H1-2: variants seen among roughly 807,000 people sequenced by gnomAD.
The protein encoded by H1-2 is histone H1.2.
A neutral mutation model predicts 7.2 loss-of-function variants in H1-2; 7 were observed. The observed-to-expected ratio is 0.97, with a 90% CI of 0.55 to 1.82. The LOEUF (loss-of-function observed/expected upper bound fraction) is 1.82. Among genes scored for constraint, H1-2 ranks in the 40% most tolerant of loss-of-function variants. The probability of loss-of-function intolerance (pLI) is 0.00; values close to 1 mark genes in which losing one functional copy is unlikely to be tolerated. For missense variants in H1-2, 703 were observed against 276.6 expected, an observed-to-expected ratio of 2.54 and a Z score of -10.94; for synonymous variants, 300 against 118.2, an observed-to-expected ratio of 2.54 and a Z score of -9.98.
At position 26,056,086 on chromosome 6, in the gene H1-2, C is replaced by T. The variant is rs1355795147; in HGVS notation, c.343G>A (p.Glu115Lys). 3 of 1,614,080 alleles carry T rather than the reference C, an allele frequency of 1.9e-6. No homozygotes were observed. Among genetic ancestry groups the T allele is most frequent in the Non-Finnish European group, 1.7e-6 (2 of 1,180,052 alleles). The stretch of plus-strand genomic sequence containing the variant: ...GCCTTTTTAACCTTGGGCTTGGCTT[C>T]CCCGGAGGCTGCCTTCTTGTTGAGT... ...FKLNKKAASG[E>K]AKPKVKKAGG... Residue 115 changes from glutamate (E) to lysine (K), a missense_variant, in exon 1 of 1, where the codon GAA becomes AAA. Physicochemically the swap from Glu to Lys is moderately conservative, Grantham distance 56. Coordinates refer to ENST00000343677, the MANE Select transcript of H1-2 (RefSeq NM_005319.4).
Position 26,055,930 on chromosome 6 carries a change from T to G in H1-2, c.499A>C (p.Thr167Pro). ...TTTGGGCTCTTAGCCACTTTCTTGGTTACAGTGGCCGCGGCCGGCTTCTTC... is the reference window on the plus strand; with the variant it reads ...TTTGGGCTCTTAGCCACTTTCTTGGGTACAGTGGCCGCGGCCGGCTTCTTC... ...KAKKPAAATVTKKVAKSPKKA... is the reference protein window; with the variant it reads ...KAKKPAAATVPKKVAKSPKKA... Residue 167 changes from threonine (T) to proline (P), a missense_variant, in exon 1 of 1, where the codon ACC becomes CCC. By Grantham distance (38) the Thr-to-Pro change is conservative. Coordinates refer to ENST00000343677, the MANE Select transcript of H1-2 (RefSeq NM_005319.4). The G allele has an allele frequency of 6.2e-7, 1 of 1,614,150 alleles. No homozygotes were observed. Among genetic ancestry groups the G allele is most frequent in the East Asian group, 2.2e-5 (1 of 44,876 alleles).
In H1-2 at chr6:26,056,060, C is replaced by T. The variant is rs139785289; in HGVS notation, c.369G>A (p.Ala123=). The change falls in exon 1 of 1, where the codon GCG becomes GCA. Residue 123 remains alanine, a synonymous_variant. Transcript: ENST00000343677. The part of the protein sequence containing the change: ...SGEAKPKVKK[A]GGTKPKKPVG... ...CTGGCTTCTTAGGTTTGGTTCCGCC[C>T]GCCTTTTTAACCTTGGGCTTGGCTT... 1 of 1,614,130 alleles carries T rather than the reference C, an allele frequency of 6.2e-7. No homozygotes were observed. Among genetic ancestry groups the T allele is most frequent in the South Asian group, 1.1e-5 (1 of 91,082 alleles).
rs755709568 is a variant in H1-2, at chr6:26,055,799, G to C, written c.630C>G (p.Pro210=). Residue 210 remains proline, a synonymous_variant, in exon 1 of 1, where the codon CCC becomes CCG. Transcript: ENST00000343677. ...PKVVKPKKAA[P]KKK is the part of the protein sequence containing the mutation. The stretch of plus-strand genomic sequence containing the variant: ...AGTAGGCGTTCGCCTATTTCTTCTT[G>C]GGCGCCGCCTTCTTAGGCTTGACAA... 5.0e-6 allele frequency: 8 copies of C among 1,592,994 alleles called. No individual in the cohort carries two copies. Among genetic ancestry groups the C allele is most frequent in the Non-Finnish European group, 6.8e-6 (8 of 1,174,506 alleles).
At position 26,056,348 on chromosome 6, in the gene H1-2, C is replaced by G. The variant is rs151213047; in HGVS notation, c.81G>C (p.Lys27Asn). The G allele has an allele frequency of 7.4e-6, 12 of 1,613,526 alleles. No homozygotes were observed. Among genetic ancestry groups the G allele is most frequent in the African/African-American group, 2.7e-5 (2 of 74,832 alleles). Reference sequence around the variant, plus strand: ...ACGCCTTACGAGGCGTACCCCCAGCCTTTTTGGCCGCCTTCTTCTTTACAG... The same window carrying G: ...ACGCCTTACGAGGCGTACCCCCAGCGTTTTTGGCCGCCTTCTTCTTTACAG... ...KAPVKKKAAK[K>N]AGGTPRKASG... The change falls in exon 1 of 1, where the codon AAG becomes AAC. Residue 27 changes from lysine (K) to asparagine (N), a missense_variant. By Grantham distance (94) the Lys-to-Asn change is moderately conservative (BLOSUM62 0). Coordinates refer to ENST00000343677, the MANE Select transcript of H1-2 (RefSeq NM_005319.4).
rs772984161 is a variant in H1-2, at chr6:26,056,451, A to T, written c.-23T>A. On this transcript the variant is annotated 5_prime_UTR_variant, in exon 1 of 1. Transcript: ENST00000343677. ...CATGTTGAGAATCAAAAACTCGGGT[A>T]CAAGTGGCAAAGCGCCGATGAAGCA... The T allele has an allele frequency of 6.5e-7, 1 of 1,547,124 alleles. No individual in the cohort carries two copies. The highest frequency in any genetic ancestry group is 8.7e-7 in the Non-Finnish European group (1 of 1,151,938).
rs138308559 is a variant in H1-2 at position 26,056,236 on chromosome 6, C to G, written c.193G>C (p.Ala65Pro). 1 of 1,614,214 alleles carries G rather than the reference C, an allele frequency of 6.2e-7. No homozygotes were observed. Among genetic ancestry groups the G allele is most frequent in the Non-Finnish European group, 8.5e-7 (1 of 1,180,028 alleles). The stretch of plus-strand genomic sequence containing the variant: ...ACATCATAGCCGGCGGCAGCCAACG[C>G]TTTTTTCAGAGCAGCCAGAGAAACT... ...SGVSLAALKK[A>P]LAAAGYDVEK... The change falls in exon 1 of 1, where the codon GCG (alanine) becomes CCG (proline). Residue 65 changes from alanine (A) to proline (P), a missense_variant. Ala to Pro is a conservative substitution (Grantham distance 27, BLOSUM62 -1). Coordinates refer to ENST00000343677, the MANE Select transcript of H1-2 (RefSeq NM_005319.4).
In H1-2 at chr6:26,055,807, CCTT is replaced by C; in HGVS notation, c.619_621del (p.Lys207del). On this transcript the variant is annotated inframe_deletion, in exon 1 of 1. Transcript: ENST00000343677. ...TTCGCCTATTTCTTCTTGGGCGCCG[CCTT>C]CTTAGGCTTGACAACCTTGGGCTTA... The C allele has an allele frequency of 6.3e-7, 1 of 1,593,232 alleles. No homozygotes were observed. Among genetic ancestry groups the C allele is most frequent in the Non-Finnish European group, 8.5e-7 (1 of 1,174,566 alleles).
chr6:26,055,787 C>CTATT lies in H1-2; in HGVS notation c.638_641dup (p.Ter214=). ...TTGGGTTTTAGAAGTAGGCGTTCGCCTATTTCTTCTTGGGCGCCGCCTTCT... is the reference window on the plus strand; with the variant it reads ...TTGGGTTTTAGAAGTAGGCGTTCGCCTATTTATTTCTTCTTGGGCGCCGCCTTCT... On this transcript the variant is annotated frameshift_variant and stop_retained_variant, in exon 1 of 1. Coordinates refer to ENST00000343677, the MANE Select transcript of H1-2 (RefSeq NM_005319.4). LOFTEE classifies it high-confidence loss of function. 6.3e-7 allele frequency: 1 copy of CTATT among 1,590,274 alleles called. No individual in the cohort carries two copies. The highest frequency in any genetic ancestry group is 8.5e-7 in the Non-Finnish European group (1 of 1,173,802).
rs1262204621 is a variant in H1-2, at chr6:26,056,193, C to T, written c.236G>A (p.Arg79His). The stretch of plus-strand genomic sequence containing the variant: ...CAGGCTCTTGAGACCAAGTTTGATA[C>T]GGCTGTTGTTTTTCTCCACATCATA... ...AGYDVEKNNS[R>H]IKLGLKSLVS... is the part of the protein sequence containing the mutation. Residue 79 changes from arginine (R) to histidine (H), a missense_variant, in exon 1 of 1, where the codon CGT becomes CAT. By Grantham distance (29) the Arg-to-His change is conservative (BLOSUM62 0). Transcript: ENST00000343677. The T allele has an allele frequency of 3.1e-6, 5 of 1,614,112 alleles. No individual in the cohort carries two copies. The highest frequency in any genetic ancestry group is 4.2e-6 in the Non-Finnish European group (5 of 1,180,046).
Position 26,055,823 on chromosome 6 carries a change from A to T in H1-2, c.606T>A (p.Val202=), listed in dbSNP as rs1262709344. The change falls in exon 1 of 1, where the codon GTT becomes GTA. Residue 202 remains valine (V), a synonymous_variant. Coordinates refer to ENST00000343677, the MANE Select transcript of H1-2 (RefSeq NM_005319.4). ...AVKPKAAKPK[V]VKPKKAAPKK... Reference sequence around the variant, plus strand: ...TGGGCGCCGCCTTCTTAGGCTTGACAACCTTGGGCTTAGCGGCCTTGGGCT... The same window carrying T: ...TGGGCGCCGCCTTCTTAGGCTTGACTACCTTGGGCTTAGCGGCCTTGGGCT... 1 of 1,604,376 alleles carries T rather than the reference A, an allele frequency of 6.2e-7. No homozygotes were observed. Among genetic ancestry groups the T allele is most frequent in the Non-Finnish European group, 8.5e-7 (1 of 1,177,378 alleles).
Position 26,056,296 on chromosome 6 carries a change from T to A in H1-2, c.133A>T (p.Thr45Ser). The change falls in exon 1 of 1, where the codon ACC (threonine) becomes TCC (serine). Residue 45 changes from threonine (T) to serine (S), a missense_variant. Physicochemically the swap from Thr to Ser is moderately conservative, Grantham distance 58 (BLOSUM62 1). Transcript: ENST00000343677. Reference sequence around the variant, plus strand: ...TCTTTAGAGGCGGCCACAGCCTTGGTGATGAGCTCTGACACCGGGGGACCA... The same window carrying A: ...TCTTTAGAGGCGGCCACAGCCTTGGAGATGAGCTCTGACACCGGGGGACCA... ...ASGPPVSELI[T>S]KAVAASKERS... 1 of 1,614,128 alleles carries A rather than the reference T, an allele frequency of 6.2e-7. No individual in the cohort carries two copies. The highest frequency in any genetic ancestry group is 2.2e-5 in the East Asian group (1 of 44,872).
In H1-2 at chr6:26,055,741, G is replaced by A. The variant is rs562506552; in HGVS notation, c.*46C>T. The A allele has an allele frequency of 1.2e-5, 17 of 1,471,710 alleles. No homozygotes were observed. Among genetic ancestry groups the A allele is most frequent in the Admixed American group, 6.5e-5 (3 of 46,022 alleles). The allele number at this position is 1,471,710 out of a possible 1,614,324, so 91.2% of individuals were successfully genotyped here. On this transcript the variant is annotated 3_prime_UTR_variant, in exon 1 of 1. Coordinates refer to ENST00000343677, the MANE Select transcript of H1-2 (RefSeq NM_005319.4). ...ATCCAGCTCTTTTATTGAGATCAGT[G>A]GTGGCTCTGAAAAGAGCCTTTTGGG...
In H1-2 at chr6:26,056,053, T is replaced by C. The variant is rs79208414; in HGVS notation, c.376A>G (p.Thr126Ala). The change falls in exon 1 of 1, where the codon ACC becomes GCC. Residue 126 changes from threonine (T) to alanine (A), a missense_variant. By Grantham distance (58) the Thr-to-Ala change is moderately conservative. Coordinates refer to ENST00000343677, the MANE Select transcript of H1-2 (RefSeq NM_005319.4). ...AKPKVKKAGG[T>A]KPKKPVGAAK... is the part of the protein sequence containing the mutation. Reference sequence around the variant, plus strand: ...GCCCCAACTGGCTTCTTAGGTTTGGTTCCGCCCGCCTTTTTAACCTTGGGC... The same window carrying C: ...GCCCCAACTGGCTTCTTAGGTTTGGCTCCGCCCGCCTTTTTAACCTTGGGC... 3.0e-4 allele frequency: 488 copies of C among 1,614,140 alleles called. 5 individuals carry two copies. The East Asian group carries it at 0.011, about 36-fold the overall frequency.
At position 26,056,150 on chromosome 6, in the gene H1-2, CAG is replaced by C; in HGVS notation, c.277_278del (p.Leu93GlyfsTer13). On this transcript the variant is annotated frameshift_variant, in exon 1 of 1. Coordinates refer to ENST00000343677, the MANE Select transcript of H1-2 (RefSeq NM_005319.4). LOFTEE classifies it high-confidence loss of function. Reference protein sequence around the residue: ...GLKSLVSKGTLVQTKGTGASG... With the variant: ...GLKSLVSKGTXVQTKGTGASG... ...AAGCACCGGTGCCTTTCGTTTGCAC[CAG>C]AGTGCCCTTGCTCACCAGGCTCTTG... is the stretch of plus-strand genomic sequence containing the variant. The C allele has an allele frequency of 6.2e-7, 1 of 1,614,236 alleles. No individual in the cohort carries two copies. Among genetic ancestry groups the C allele is most frequent in the Non-Finnish European group, 8.5e-7 (1 of 1,180,042 alleles).
rs756916945 is a variant in H1-2, at chr6:26,055,824, ACCTTGGGCTTAGCGG to A, written c.590_604del (p.Ala197_Lys201del). On this transcript the variant is annotated inframe_deletion, in exon 1 of 1. Coordinates refer to ENST00000343677, the MANE Select transcript of H1-2 (RefSeq NM_005319.4). ...GGGCGCCGCCTTCTTAGGCTTGACA[ACCTTGGGCTTAGCGG>A]CCTTGGGCTTCACAGCCTTAGCAGC... 53 of 1,611,274 alleles carry A rather than the reference ACCTTGGGCTTAGCGG, an allele frequency of 3.3e-5. No individual in the cohort carries two copies. The highest frequency in any genetic ancestry group is 1.7e-4 in the Middle Eastern group (1 of 6,016).
rs773564861 is a variant in H1-2 at position 26,055,889 on chromosome 6, C to T, written c.540G>A (p.Ala180=). Residue 180 remains alanine, a synonymous_variant, in exon 1 of 1, where the codon GCG becomes GCA. Coordinates refer to ENST00000343677, the MANE Select transcript of H1-2 (RefSeq NM_005319.4). The part of the protein sequence containing the change: ...VAKSPKKAKV[A]KPKKAAKSAA... Reference sequence around the variant, plus strand: ...CACTTTTGGCAGCTTTCTTGGGCTTCGCAACCTTGGCCTTCTTTGGGCTCT... The same window carrying T: ...CACTTTTGGCAGCTTTCTTGGGCTTTGCAACCTTGGCCTTCTTTGGGCTCT... 1.2e-5 allele frequency: 19 copies of T among 1,614,210 alleles called. No homozygotes were observed. The highest frequency in any genetic ancestry group is 1.0e-4 in the Admixed American group (6 of 60,024).
Position 26,056,447 on chromosome 6 carries a change from G to T in H1-2, c.-19C>A. The T allele has an allele frequency of 1.3e-6, 2 of 1,549,026 alleles. No individual in the cohort carries two copies. Among genetic ancestry groups the T allele is most frequent in the South Asian group, 1.2e-5 (1 of 80,532 alleles). ...CGGACATGTTGAGAATCAAAAACTC[G>T]GGTACAAGTGGCAAAGCGCCGATGA... On this transcript the variant is annotated 5_prime_UTR_variant, in exon 1 of 1. Transcript: ENST00000343677.
rs1761904786 is a variant in H1-2, at chr6:26,055,869, T to C, written c.560A>G (p.Lys187Arg). ...AKVAKPKKAA[K>R]SAAKAVKPKA... ...GGGCTTCACAGCCTTAGCAGCACTT[T>C]TGGCAGCTTTCTTGGGCTTCGCAAC... Residue 187 changes from lysine to arginine, a missense_variant, in exon 1 of 1, where the codon AAA becomes AGA. Transcript: ENST00000343677. 1.2e-6 allele frequency: 2 copies of C among 1,614,156 alleles called. No homozygotes were observed. Among genetic ancestry groups the C allele is most frequent in the Non-Finnish European group, 1.7e-6 (2 of 1,179,968 alleles).
Position 26,055,814 on chromosome 6 carries a change from A to C in H1-2, c.615T>G (p.Pro205=), listed in dbSNP as rs1254333465. 14 of 1,600,782 alleles carry C rather than the reference A, an allele frequency of 8.7e-6. No homozygotes were observed. Among genetic ancestry groups the C allele is most frequent in the South Asian group, 1.1e-5 (1 of 88,258 alleles). Residue 205 remains proline (P), a synonymous_variant, in exon 1 of 1, where the codon CCT becomes CCG. Transcript: ENST00000343677. The part of the protein sequence containing the change: ...PKAAKPKVVK[P]KKAAPKKK ...ATTTCTTCTTGGGCGCCGCCTTCTTAGGCTTGACAACCTTGGGCTTAGCGG... is the reference window on the plus strand; with the variant it reads ...ATTTCTTCTTGGGCGCCGCCTTCTTCGGCTTGACAACCTTGGGCTTAGCGG...
Sources: gnomAD v4.1 joint callset for allele counts on GRCh38, gnomAD v4.1.1 for gene constraint, MANE v1.5 for transcripts, NCBI Gene and HGNC (gene_info 2026-07-23, HGNC 2026-07-21) for gene names.